CHAMP1: variants seen among roughly 807,000 people sequenced by gnomAD.
The protein encoded by CHAMP1 is chromosome alignment maintaining phosphoprotein 1.
A neutral mutation model predicts 54.5 loss-of-function variants in CHAMP1; 4 were observed. That is an observed-to-expected ratio of 0.07 (90% CI 0.04 to 0.17). CHAMP1 has a LOEUF of 0.17. Among genes scored for constraint, CHAMP1 ranks in the 10% least tolerant of loss-of-function variants. CHAMP1 has a pLI of 1.00. For missense variants in CHAMP1, 994 were observed against 968.6 expected, an observed-to-expected ratio of 1.03 and a Z score of -0.35; for synonymous variants, 368 against 342.2, an observed-to-expected ratio of 1.08 and a Z score of -0.83.
chr13:114,324,848 C>A lies in CHAMP1; in HGVS notation c.1006C>A (p.Pro336Thr). 1 of 1,614,200 alleles carries A rather than the reference C, an allele frequency of 6.2e-7. No individual in the cohort carries two copies. The highest frequency in any genetic ancestry group is 8.5e-7 in the Non-Finnish European group (1 of 1,180,030). Reference protein sequence around the residue: ...NPSASSGPWKPAKPAPSVSPG... With the variant: ...NPSASSGPWKTAKPAPSVSPG... Reference sequence around the variant, plus strand: ...TTCAGCATCATCAGGACCTTGGAAGCCAGCTAAACCTGCTCCATCTGTGTC... The same window carrying A: ...TTCAGCATCATCAGGACCTTGGAAGACAGCTAAACCTGCTCCATCTGTGTC... Residue 336 changes from proline to threonine, a missense_variant, in exon 3 of 3, where the codon CCA (proline) becomes ACA (threonine). Physicochemically the swap from Pro to Thr is conservative, Grantham distance 38. Coordinates refer to ENST00000361283, the MANE Select transcript of CHAMP1 (RefSeq NM_032436.4).
intron 1 of CHAMP1, among the ~76,000 whole-genome samples, chr13:114,314,903 G>C (rs1349511542): frequency 6.6e-6 from 1 of 152,218 alleles, no homozygotes; most frequent in East Asian, 1.9e-4. Context: ...TGAAACCATT[G>C]GGAAGTTGAG....
rs2139419142 is a variant in CHAMP1, at chr13:114,324,504, C to T, written c.662C>T (p.Thr221Ile). Residue 221 changes from threonine (T) to isoleucine (I), a missense_variant, in exon 3 of 3, where the codon ACT becomes ATT. This residue lies in a region of CHAMP1 where 851 missense variants were observed against 701.3 expected (regional missense o/e 1.21). Coordinates refer to ENST00000361283, the MANE Select transcript of CHAMP1 (RefSeq NM_032436.4). ...APVSPESVKA[T>I]LSNPKPQKQS... ...GTATCTCCTGAGTCAGTAAAGGCTA[C>T]TCTTAGTAATCCCAAACCCCAGAAG... 2 of 1,614,094 alleles carry T rather than the reference C, an allele frequency of 1.2e-6. No homozygotes were observed. Among genetic ancestry groups the T allele is most frequent in the East Asian group, 2.2e-5 (1 of 44,866 alleles).
Position 114,325,133 on chromosome 13 carries a change from C to T in CHAMP1, c.1291C>T (p.Arg431Cys), listed in dbSNP as rs782338415. 7.4e-6 allele frequency: 12 copies of T among 1,614,136 alleles called. No individual in the cohort carries two copies. The highest frequency in any genetic ancestry group is 3.3e-5 in the South Asian group (3 of 91,082). Residue 431 changes from arginine to cysteine, a missense_variant, in exon 3 of 3, where the codon CGT becomes TGT. Arg to Cys is a radical substitution (Grantham distance 180, BLOSUM62 -3). Coordinates refer to ENST00000361283, the MANE Select transcript of CHAMP1 (RefSeq NM_032436.4). ...CGGCCCACCACTATCCCCAGAGATC[C>T]GTAGTCCAGCAGGATCTCCAGAGCT... ...KPGPPLSPEI[R>C]SPAGSPELRK...
At position 114,325,271 on chromosome 13, in the gene CHAMP1, C is replaced by T. The variant is rs2087231711; in HGVS notation, c.1429C>T (p.Pro477Ser). The change falls in exon 3 of 3, where the codon CCT becomes TCT. Residue 477 changes from proline to serine, a missense_variant. Physicochemically the swap from Pro to Ser is moderately conservative, Grantham distance 74. Around this residue, in one of 3 missense-constraint regions of CHAMP1, gnomAD observed 851 missense variants for 701.3 expected, o/e 1.21. Transcript: ENST00000361283. ...ESQKSSRGGS[P>S]DLWKSSFFIE... ...CCAGAAAAGTTCCCGTGGTGGTTCT[C>T]CTGATCTCTGGAAGTCTTCCTTTTT... The T allele has an allele frequency of 7.4e-6, 12 of 1,614,142 alleles. No individual in the cohort carries two copies. The highest frequency in any genetic ancestry group is 1.0e-5 in the Non-Finnish European group (12 of 1,180,026).
intron 1 of CHAMP1, among the ~76,000 whole-genome samples, chr13:114,319,172 A>G (rs2087139044): frequency 6.6e-6 from 1 of 152,080 alleles, no homozygotes; most frequent in Non-Finnish European, 1.5e-5. Context: ...CTCTCATCAG[A>G]TACTGATCAT....
intron 1 of CHAMP1, among the ~76,000 whole-genome samples, chr13:114,317,295 G>A (rs977889933): frequency 2.0e-5 from 3 of 151,644 alleles, no homozygotes; most frequent in African/African-American, 4.8e-5. Context: ...AAAGTGTTGG[G>A]ATTACAGGTG....
Position 114,325,493 on chromosome 13 carries a change from T to C in CHAMP1, c.1651T>C (p.Phe551Leu), listed in dbSNP as rs781791729. Residue 551 changes from phenylalanine to leucine, a missense_variant, in exon 3 of 3, where the codon TTT (phenylalanine) becomes CTT (leucine). Physicochemically the swap from Phe to Leu is conservative, Grantham distance 22. Transcript: ENST00000361283. ...TCCAGAAGCACGCAAACGTGCCCTT[T>C]TTCCAGAGCCCCGGAAGCATGCCCT... ...ASPEARKRAL[F>L]PEPRKHALFP... 1.2e-6 allele frequency: 2 copies of C among 1,614,020 alleles called. No homozygotes were observed. The highest frequency in any genetic ancestry group is 8.5e-7 in the Non-Finnish European group (1 of 1,180,044).
At chr13:114,318,513 G>A (rs1281629532) in intron 1 of CHAMP1, among the ~76,000 whole-genome samples, 2 of 151,886 alleles carry the variant, frequency 1.3e-5, no homozygotes, top group African/African-American at 4.8e-5. Flanking sequence ...TTGTAGAGAC[G>A]GGGTTTCGCC....
At chr13:114,323,688 C>T in intron 2 of CHAMP1, 100 bp from the exon 3 acceptor site, 1 of 938,000 alleles carries the variant, frequency 1.1e-6, no homozygotes, top group South Asian at 1.9e-5. Context: ...ATAAAGCACG[C>T]ACTGTTCTAG....
rs2087225248 is a variant in CHAMP1, at chr13:114,324,987, C to G, written c.1145C>G (p.Ser382Cys). The G allele has an allele frequency of 1.2e-6, 2 of 1,614,034 alleles. No homozygotes were observed. The highest frequency in any genetic ancestry group is 1.3e-5 in the African/African-American group (1 of 74,916). Residue 382 changes from serine to cysteine, a missense_variant, in exon 3 of 3, where the codon TCT becomes TGT. This residue lies in a region of CHAMP1 where 851 missense variants were observed against 701.3 expected (regional missense o/e 1.21). Transcript: ENST00000361283. Reference protein sequence around the residue: ...SSSVSPSSWKSPPASPESWKS... With the variant: ...SSSVSPSSWKCPPASPESWKS... ...TCAGTCTCACCCAGCTCCTGGAAGT[C>G]TCCCCCTGCATCTCCTGAGTCATGG...
chr13:114,326,397 T>G lies in CHAMP1; in HGVS notation c.*116T>G, dbSNP rs1555380030. Reference sequence around the variant, plus strand: ...GATGACATGTATGGTGTACCGTGTTTCACTGTCTCAGTTGTGTTACTAAGA... The same window carrying G: ...GATGACATGTATGGTGTACCGTGTTGCACTGTCTCAGTTGTGTTACTAAGA... On this transcript the variant is annotated 3_prime_UTR_variant, in exon 3 of 3. Coordinates refer to ENST00000361283, the MANE Select transcript of CHAMP1 (RefSeq NM_032436.4). The G allele has an allele frequency of 8.4e-7, 1 of 1,196,548 alleles. No individual in the cohort carries two copies. The highest frequency in any genetic ancestry group is 1.1e-6 in the Non-Finnish European group (1 of 880,914). 74.1% of individuals were successfully genotyped at this position (1,196,548 alleles called of 1,614,324 possible). A position where few individuals can be genotyped will look rare whatever the true frequency, so the allele number is the denominator to read the frequency against.
intron 2 of CHAMP1, 58 bp downstream of exon 2, chr13:114,321,290 A>G (rs2087167026): frequency 6.6e-6 from 1 of 152,036 alleles, no homozygotes; most frequent in African/African-American, 2.4e-5. Context: ...AAAATTAAAA[A>G]AAAATACCTG....
intron 1 of CHAMP1, among the ~76,000 whole-genome samples, chr13:114,318,113 C>T (rs754401192): frequency 1.3e-5 from 2 of 152,120 alleles, no homozygotes; most frequent in Non-Finnish European, 2.9e-5. Context: ...GATCGTTCTG[C>T]TACTGTGGGA....
chr13:114,326,419 A>G lies in CHAMP1; in HGVS notation c.*138A>G, dbSNP rs782344050. 7 of 979,706 alleles carry G rather than the reference A, an allele frequency of 7.1e-6. No individual in the cohort carries two copies. Among genetic ancestry groups the G allele is most frequent in the African/African-American group, 1.7e-5 (1 of 60,070 alleles). 60.7% of individuals were successfully genotyped at this position (979,706 alleles called of 1,614,324 possible). A position where few individuals can be genotyped will look rare whatever the true frequency, so the allele number is the denominator to read the frequency against. Reference sequence around the variant, plus strand: ...GTTTCACTGTCTCAGTTGTGTTACTAAGAATGAGCATTTGATCATTTTTTT... The same window carrying G: ...GTTTCACTGTCTCAGTTGTGTTACTGAGAATGAGCATTTGATCATTTTTTT... On this transcript the variant is annotated 3_prime_UTR_variant, in exon 3 of 3. Coordinates refer to ENST00000361283, the MANE Select transcript of CHAMP1 (RefSeq NM_032436.4).
At position 114,326,172 on chromosome 13, in the gene CHAMP1, C is replaced by T; in HGVS notation, c.2330C>T (p.Pro777Leu). Residue 777 changes from proline to leucine, a missense_variant, in exon 3 of 3, where the codon CCA (proline) becomes CTA (leucine). Coordinates refer to ENST00000361283, the MANE Select transcript of CHAMP1 (RefSeq NM_032436.4). Reference protein sequence around the residue: ...CPRCNFESNFPRGFKKHLTHC... With the variant: ...CPRCNFESNFLRGFKKHLTHC... ...CGTTGTAATTTTGAATCAAATTTCC[C>T]AAGAGGTTTTAAGAAACATTTAACT... 6.2e-7 allele frequency: 1 copy of T among 1,613,086 alleles called. No homozygotes were observed. Among genetic ancestry groups the T allele is most frequent in the Non-Finnish European group, 8.5e-7 (1 of 1,179,410 alleles).
Position 114,327,198 on chromosome 13 carries a change from A to G in CHAMP1, c.*917A>G, listed in dbSNP as rs73580919. The stretch of plus-strand genomic sequence containing the variant: ...TTATAGACATTTCTGTTAAAGAAAT[A>G]TATCGATTTTATGTTTTTCAATTAT... On this transcript the variant is annotated 3_prime_UTR_variant, in exon 3 of 3. Transcript: ENST00000361283. The G allele has an allele frequency of 1.7e-4, 28 of 167,130 alleles. No homozygotes were observed. Among genetic ancestry groups the G allele is most frequent in the African/African-American group, 6.7e-4 (28 of 41,570 alleles). The allele number at this position is 167,130 out of a possible 1,614,324, so 10.4% of individuals were successfully genotyped here. A position where few individuals can be genotyped will look rare whatever the true frequency, so the allele number is the denominator to read the frequency against.
chr13:114,324,987 C>A lies in CHAMP1; in HGVS notation c.1145C>A (p.Ser382Tyr). The A allele has an allele frequency of 1.2e-6, 2 of 1,614,152 alleles. No homozygotes were observed. Among genetic ancestry groups the A allele is most frequent in the Non-Finnish European group, 8.5e-7 (1 of 1,180,032 alleles). ...TCAGTCTCACCCAGCTCCTGGAAGT[C>A]TCCCCCTGCATCTCCTGAGTCATGG... ...SSSVSPSSWK[S>Y]PPASPESWKS... Residue 382 changes from serine (S) to tyrosine (Y), a missense_variant, in exon 3 of 3, where the codon TCT becomes TAT. Physicochemically the swap from Ser to Tyr is moderately radical, Grantham distance 144 (BLOSUM62 -2). This residue lies in a region of CHAMP1 where 851 missense variants were observed against 701.3 expected (regional missense o/e 1.21). Transcript: ENST00000361283.
At chr13:114,318,579 C>T (rs2087128746) in intron 1 of CHAMP1, among the ~76,000 whole-genome samples, 1 of 152,082 alleles carries the variant, frequency 6.6e-6, no homozygotes, top group Non-Finnish European at 1.5e-5. Context: ...CTGCCTCAGC[C>T]TTCCAGAGTG....
chr13:114,324,909 C>G lies in CHAMP1; in HGVS notation c.1067C>G (p.Pro356Arg), dbSNP rs782364393. Reference sequence around the variant, plus strand: ...TGGAAACCAATTCCTTCTGTATCTCCTGGACCTTGGAAACCAACTCCATCT... The same window carrying G: ...TGGAAACCAATTCCTTCTGTATCTCGTGGACCTTGGAAACCAACTCCATCT... The part of the protein sequence containing the change: ...GPWKPIPSVS[P>R]GPWKPTPSVS... The change falls in exon 3 of 3, where the codon CCT becomes CGT. Residue 356 changes from proline to arginine, a missense_variant. Physicochemically the swap from Pro to Arg is moderately radical, Grantham distance 103 (BLOSUM62 -2). This residue lies in a region of CHAMP1 where 851 missense variants were observed against 701.3 expected (regional missense o/e 1.21). Coordinates refer to ENST00000361283, the MANE Select transcript of CHAMP1 (RefSeq NM_032436.4). 12 of 1,614,102 alleles carry G rather than the reference C, an allele frequency of 7.4e-6. No homozygotes were observed. Among genetic ancestry groups the G allele is most frequent in the Non-Finnish European group, 9.3e-6 (11 of 1,180,048 alleles).
Sources: allele counts gnomAD v4.1 joint callset (sites outside exome capture counted in the v4.1 genomes callset), GRCh38; gene constraint gnomAD v4.1.1; regional missense constraint gnomAD v4.1.1; transcripts MANE v1.5; gene names NCBI Gene and HGNC (gene_info 2026-07-23, HGNC 2026-07-21).